Variants in PHLPP1 observed in about 807,000 individuals in gnomAD.
PHLPP1 encodes the protein PH domain leucine-rich repeat-containing protein phosphatase 1.
A neutral mutation model predicts 117.2 loss-of-function variants in PHLPP1; 42 were observed. The ratio of observed to expected loss-of-function variants is 0.36; its 90% CI spans 0.28 to 0.46. The LOEUF (loss-of-function observed/expected upper bound fraction) is 0.46. PHLPP1 is among the 20% of genes least tolerant of loss of function. The pLI is 1.00. For synonymous variants in PHLPP1, 1,042 were observed against 970.7 expected (o/e 1.07, Z -1.37); for missense variants, 2,084 against 2,241.9 (o/e 0.93, Z 1.42).
intron 7 of PHLPP1, among the ~76,000 whole-genome samples, chr18:62,904,211 A>C (rs556780301): frequency 6.6e-6 from 1 of 152,366 alleles, no homozygotes; most frequent in African/African-American, 2.4e-5. Flanking sequence ...AAGTAGGAAG[A>C]AAGAATCTGA....
intron 1 of PHLPP1, among the ~76,000 whole-genome samples, chr18:62,821,675 C>T (rs561739456): frequency 6.5e-4 from 98 of 151,046 alleles, no homozygotes; most frequent in African/African-American, 2.4e-3. Flanking sequence ...ATAGAAGACT[C>T]AAGTTACCAA....
chr18:62,932,832 C>T (rs1160463789), intron 10 of PHLPP1, among the ~76,000 whole-genome samples: 1 of 152,170 alleles, frequency 6.6e-6, no homozygotes, highest in East Asian at 1.9e-4. Context: ...ATTATCCGTT[C>T]GTTGATGATA....
chr18:62,977,449 A>C (rs1017386291), intron 16 of PHLPP1, among the ~76,000 whole-genome samples: 14 of 151,158 alleles, frequency 9.3e-5, no homozygotes, highest in Non-Finnish European at 1.8e-4. Flanking sequence ...AAAAAAAAAA[A>C]AAAACCCAGG....
At position 62,978,894 on chromosome 18, in the gene PHLPP1, C is replaced by A; in HGVS notation, c.4617C>A (p.Ala1539=). 1 of 1,607,412 alleles carries A rather than the reference C, an allele frequency of 6.2e-7. No homozygotes were observed. The highest frequency in any genetic ancestry group is 8.5e-7 in the Non-Finnish European group (1 of 1,177,044). Residue 1539 remains alanine, a synonymous_variant, in exon 17 of 17, where the codon GCC becomes GCA. Coordinates refer to ENST00000262719, the MANE Select transcript of PHLPP1 (RefSeq NM_194449.4). This position sits in a 1 kb window ranked among gnomAD's most constrained non-coding sequence, Gnocchi z 7.0. ...RQLSSATFSS[A]FSDNGLDSDD... is the part of the protein sequence containing the mutation. ...TATCCAGCGCCACGTTCTCTAGCGC[C>A]TTCTCCGACAACGGCCTTGACAGTG...
chr18:62,788,345 CAG>C (rs2144286576), intron 1 of PHLPP1, among the ~76,000 whole-genome samples: 1 of 152,202 alleles, frequency 6.6e-6, no homozygotes, highest in Admixed American at 6.5e-5. Context: ...TGACTGTTGT[CAG>C]AGACAGAGAC....
chr18:62,719,535 A>G (rs1429656293), intron 1 of PHLPP1, among the ~76,000 whole-genome samples: 3 of 152,232 alleles, frequency 2.0e-5, no homozygotes, highest in Admixed American at 6.5e-5. Flanking sequence ...CTGTGTTCCA[A>G]CAGAATATAG....
At chr18:62,935,249 G>A (rs1373138278) in intron 10 of PHLPP1, among the ~76,000 whole-genome samples, 1 of 152,146 alleles carries the variant, frequency 6.6e-6, no homozygotes, top group Non-Finnish European at 1.5e-5. Flanking sequence ...GCCATTGGAA[G>A]ACATATTATA....
intron 11 of PHLPP1, 77 bp downstream of exon 11, chr18:62,941,995 T>A (rs1910145085): frequency 2.5e-6 from 3 of 1,180,690 alleles, no homozygotes; most frequent in Non-Finnish European, 3.7e-6. Context: ...GGCTGAAATA[T>A]TTATTTCCCA....
At chr18:62,863,118 A>G (rs1915672921) in intron 4 of PHLPP1, among the ~76,000 whole-genome samples, 1 of 151,514 alleles carries the variant, frequency 6.6e-6, no homozygotes, top group South Asian at 2.1e-4. Flanking sequence ...GGCTTACTCC[A>G]TAGGCAAAGC....
At chr18:62,956,993 T>C (rs1792756393) in intron 12 of PHLPP1, among the ~76,000 whole-genome samples, 1 of 152,180 alleles carries the variant, frequency 6.6e-6, no homozygotes, top group South Asian at 2.1e-4. Flanking sequence ...CTGAAGTTCT[T>C]GAGTATAATC....
chr18:62,972,936 G>A (rs1911095219), intron 15 of PHLPP1, among the ~76,000 whole-genome samples: 1 of 152,034 alleles, frequency 6.6e-6, no homozygotes, highest in Admixed American at 6.6e-5. Context: ...ACAATGACAA[G>A]GAATTAGTTT....
rs1447059643 is a variant in PHLPP1 at position 62,766,075 on chromosome 18, AAATATATATATAT to A, written c.1576+48818_1576+48830del. On this transcript the variant is annotated intron_variant, in intron 1 of 16. Coordinates refer to ENST00000262719, the MANE Select transcript of PHLPP1 (RefSeq NM_194449.4). ...GACTCCATCTCAAAAAAAAAAAAAAAAATATATATATATATATATATATATATAAAATATATAT... is the reference window on the plus strand; with the variant it reads ...GACTCCATCTCAAAAAAAAAAAAAAAATATATATATATATAAAATATATAT... 8.7e-4 allele frequency among the ~76,000 whole-genome samples: 43 copies of A among 49,592 alleles called. 5 individuals carry two copies. Among genetic ancestry groups the A allele is most frequent in the South Asian group, 2.8e-3 (4 of 1,434 alleles). The allele number at this position is 49,592 out of a possible 152,430, so 32.5% of individuals were successfully genotyped here.
At chr18:62,810,611 T>C (rs1470110669) in intron 1 of PHLPP1, among the ~76,000 whole-genome samples, 6 of 152,184 alleles carry the variant, frequency 3.9e-5, no homozygotes, top group Non-Finnish European at 8.8e-5. Context: ...AAAAGTTATA[T>C]GTACGTGGTT....
chr18:62,893,177 G>A (rs184575112), intron 4 of PHLPP1, among the ~76,000 whole-genome samples: 186 of 152,116 alleles, frequency 1.2e-3, no homozygotes, highest in African/African-American at 4.4e-3. Context: ...GCATAGCTGG[G>A]ACTACAGGTG....
In PHLPP1 at chr18:62,766,060, C is replaced by CAA. The variant is rs1168861892; in HGVS notation, c.1576+48817_1576+48818dup. On this transcript the variant is annotated intron_variant, in intron 1 of 16. Coordinates refer to ENST00000262719, the MANE Select transcript of PHLPP1 (RefSeq NM_194449.4). ...TGGGCGACAGAGCTAGACTCCATCT[C>CAA]AAAAAAAAAAAAAAAAATATATATA... is the stretch of plus-strand genomic sequence containing the variant. 7.0e-3 allele frequency among the ~76,000 whole-genome samples: 106 copies of CAA among 15,210 alleles called. 15 individuals are homozygous for CAA. The highest frequency in any genetic ancestry group is 0.021 in the South Asian group (7 of 336). 10.0% of individuals were successfully genotyped at this position (15,210 alleles called of 152,430 possible).
intron 1 of PHLPP1, among the ~76,000 whole-genome samples, chr18:62,747,271 A>AT: frequency 9.3e-6 from 1 of 107,980 alleles, no homozygotes; most frequent in African/African-American, 3.7e-5. Flanking sequence ...GGCTTTCTTC[A>AT]TTTCCTTTTT....
At chr18:62,912,357 AT>A (rs34312332) in intron 8 of PHLPP1, among the ~76,000 whole-genome samples, 51,944 of 146,828 alleles carry the variant, frequency 0.35, 9,188 homozygotes, top group Middle Eastern at 0.38. Context: ...CAAAAAAAAA[AT>A]TTTTTTTTAT....
intron 1 of PHLPP1, among the ~76,000 whole-genome samples, chr18:62,718,060 G>A (rs1358900563): frequency 6.6e-6 from 1 of 152,148 alleles, no homozygotes; most frequent in Admixed American, 6.5e-5. Flanking sequence ...CAGTACATTA[G>A]CAAATTCTTG....
intron 3 of PHLPP1, among the ~76,000 whole-genome samples, chr18:62,841,947 G>A (rs906412607): frequency 2.0e-5 from 3 of 152,116 alleles, no homozygotes; most frequent in Non-Finnish European, 4.4e-5. Flanking sequence ...AGTAAGGCAG[G>A]CATGGATTCC....
Sources: allele counts gnomAD v4.1 joint callset (sites outside exome capture counted in the v4.1 genomes callset), GRCh38; gene constraint gnomAD v4.1.1; non-coding constraint Gnocchi (gnomAD v3.1); transcripts MANE v1.5; gene names NCBI Gene and HGNC (gene_info 2026-07-23, HGNC 2026-07-21).